Variants in NHERF1 observed in about 807,000 individuals in gnomAD.
The protein encoded by NHERF1 is NHERF family PDZ scaffold protein 1.
the NHERF1 span, among the ~76,000 whole-genome samples, chr17:74,760,946 A>T: frequency 1.5e-4 from 23 of 152,198 alleles, no homozygotes; most frequent in African/African-American, 5.3e-4. The surrounding 1 kb of genome is among the most constrained non-coding windows in gnomAD (Gnocchi z 4.5). Flanking sequence ...CAGGGCCAGC[A>T]GGCTGGACAG....
chr17:74,759,298 G>A, the NHERF1 span, among the ~76,000 whole-genome samples: 1 of 152,244 alleles, frequency 6.6e-6, no homozygotes, highest in Non-Finnish European at 1.5e-5. Context: ...CTCAGGCTGG[G>A]TACCCTGTTT....
At chr17:74,759,376 G>A in the NHERF1 span, among the ~76,000 whole-genome samples, 2 of 152,218 alleles carry the variant, frequency 1.3e-5, no homozygotes, top group Non-Finnish European at 2.9e-5. Flanking sequence ...TGGAGCTTTG[G>A]CACCATATGT....
the NHERF1 span, chr17:74,749,350 G>C: frequency 7.1e-7 from 1 of 1,415,318 alleles, no homozygotes; most frequent in Non-Finnish European, 9.4e-7. The surrounding 1 kb of genome is among the most constrained non-coding windows in gnomAD (Gnocchi z 5.6). Context: ...AGAGACCCAG[G>C]TGCCCCGGCC....
At chr17:74,754,592 G>A in the NHERF1 span, among the ~76,000 whole-genome samples, 4 of 151,514 alleles carry the variant, frequency 2.6e-5, no homozygotes, top group African/African-American at 7.3e-5. Flanking sequence ...TAGTAGAGAC[G>A]GAGTTTCACC....
the NHERF1 span, chr17:74,767,005 T>C: frequency 9.1e-5 from 146 of 1,606,966 alleles, 1 homozygote; most frequent in Middle Eastern, 5.0e-4. Context: ...TCTCTTTGGA[T>C]TTCAATCCTT....
chr17:74,748,753 G>A, the NHERF1 span: 1 of 1,179,922 alleles, frequency 8.5e-7, no homozygotes, highest in Non-Finnish European at 1.2e-6. This position sits in a 1 kb window ranked among gnomAD's most constrained non-coding sequence, Gnocchi z 4.3. Flanking sequence ...TCTCTGCTGC[G>A]CTCCCGGTTC....
the NHERF1 span, among the ~76,000 whole-genome samples, chr17:74,751,129 C>T: frequency 5.9e-5 from 9 of 152,252 alleles, 1 homozygote; most frequent in East Asian, 7.7e-4. The surrounding 1 kb of genome is among the most constrained non-coding windows in gnomAD (Gnocchi z 4.3). Flanking sequence ...ATAGAAATGA[C>T]GTGAAGCACT....
At chr17:74,752,887 G>A in the NHERF1 span, among the ~76,000 whole-genome samples, 2 of 152,200 alleles carry the variant, frequency 1.3e-5, no homozygotes, top group African/African-American at 4.8e-5. Flanking sequence ...TATCCCCAGC[G>A]CTGTCCTTGG....
the NHERF1 span, among the ~76,000 whole-genome samples, chr17:74,761,714 G>A: frequency 2.0e-5 from 3 of 152,200 alleles, no homozygotes; most frequent in Non-Finnish European, 4.4e-5. This position sits in a 1 kb window ranked among gnomAD's most constrained non-coding sequence, Gnocchi z 4.3. Context: ...ACTGTCAGAA[G>A]GGACAGGCAT....
At chr17:74,753,206 C>T in the NHERF1 span, among the ~76,000 whole-genome samples, 6 of 152,198 alleles carry the variant, frequency 3.9e-5, no homozygotes, top group South Asian at 2.1e-4. Flanking sequence ...AAAGGCACTG[C>T]CTGCAGGGTT....
At chr17:74,749,233 G>C in the NHERF1 span, 1 of 1,529,234 alleles carries the variant, frequency 6.5e-7, no homozygotes, top group Non-Finnish European at 8.7e-7. The surrounding 1 kb of genome is among the most constrained non-coding windows in gnomAD (Gnocchi z 5.6). Context: ...CCGAGGTGCA[G>C]GGGGCTGGCA....
At chr17:74,763,384 G>T in the NHERF1 span, 1 of 1,614,084 alleles carries the variant, frequency 6.2e-7, no homozygotes, top group Non-Finnish European at 8.5e-7. Flanking sequence ...GGGTCTGCAT[G>T]GAGGGGAAGC....
At chr17:74,762,210 C>A in the NHERF1 span, 4 of 1,609,710 alleles carry the variant, frequency 2.5e-6, no homozygotes, top group Non-Finnish European at 3.4e-6. The surrounding 1 kb of genome is among the most constrained non-coding windows in gnomAD (Gnocchi z 4.2). Context: ...TGACTGCCCC[C>A]ACCCCCTGCA....
the NHERF1 span, among the ~76,000 whole-genome samples, chr17:74,755,743 C>T: frequency 1.3e-5 from 2 of 152,170 alleles, no homozygotes; most frequent in East Asian, 1.9e-4. Flanking sequence ...GTCCGGGCAG[C>T]AGCCACCAGC....
the NHERF1 span, chr17:74,749,084 C>G: frequency 7.5e-6 from 12 of 1,589,456 alleles, no homozygotes; most frequent in Non-Finnish European, 1.0e-5. This position sits in a 1 kb window ranked among gnomAD's most constrained non-coding sequence, Gnocchi z 5.6. Flanking sequence ...GAGCCGCATC[C>G]GCGCCGCACT....
the NHERF1 span, among the ~76,000 whole-genome samples, chr17:74,753,786 AGATGG>A: frequency 6.6e-6 from 1 of 152,084 alleles, no homozygotes; most frequent in Non-Finnish European, 1.5e-5. Context: ...CCATATGTCT[AGATGG>A]GGTCCTTCTC....
At chr17:74,760,585 C>T in the NHERF1 span, among the ~76,000 whole-genome samples, 6 of 152,270 alleles carry the variant, frequency 3.9e-5, no homozygotes, top group South Asian at 4.1e-4. This position sits in a 1 kb window ranked among gnomAD's most constrained non-coding sequence, Gnocchi z 4.5. Flanking sequence ...CTCCTGGGCG[C>T]GCCTTCCCAC....
At chr17:74,749,493 C>G in the NHERF1 span, among the ~76,000 whole-genome samples, 4 of 152,326 alleles carry the variant, frequency 2.6e-5, no homozygotes, top group South Asian at 8.3e-4. The surrounding 1 kb of genome is among the most constrained non-coding windows in gnomAD (Gnocchi z 5.6). Flanking sequence ...CCTCTCCTTC[C>G]CAGGCTGTGC....
At chr17:74,751,141 G>C in the NHERF1 span, among the ~76,000 whole-genome samples, 1 of 152,136 alleles carries the variant, frequency 6.6e-6, no homozygotes. This position sits in a 1 kb window ranked among gnomAD's most constrained non-coding sequence, Gnocchi z 4.3. Flanking sequence ...TGAAGCACTT[G>C]AGCCCCTTAC....
Sources: gnomAD v4.1 joint callset for allele counts (sites outside exome capture counted in the v4.1 genomes callset) on GRCh38, gnomAD v4.1.1 for gene constraint, Gnocchi (gnomAD v3.1) non-coding constraint, MANE v1.5 for transcripts, NCBI Gene and HGNC (gene_info 2026-07-23, HGNC 2026-07-21) for gene names.